GPC6: variants seen among roughly 807,000 people sequenced by gnomAD.
The protein encoded by GPC6 is glypican 6.
Under a neutral mutation model 55.2 loss-of-function variants are expected in GPC6, and 14 were observed. The ratio of observed to expected loss-of-function variants is 0.25; its 90% confidence interval spans 0.17 to 0.40. The LOEUF is 0.40. Ranked by LOEUF, GPC6 falls within the 10% of genes least tolerant of loss-of-function variation. GPC6 has a pLI of 1.00. For missense variants in GPC6, 641 were observed against 708.5 expected (o/e 0.90, Z 1.08); for synonymous variants, 278 against 259.6 (o/e 1.07, Z -0.68).
chr13:94,171,469 A>G (rs897476490), intron 4 of GPC6, among the ~76,000 whole-genome samples: 1 of 152,336 alleles, frequency 6.6e-6, no homozygotes, highest in South Asian at 2.1e-4. Flanking sequence ...TAAGCGAAGC[A>G]GCTTATTAAG....
chr13:93,395,409 A>G, intron 1 of GPC6: 1 of 287,378 alleles, frequency 3.5e-6, no homozygotes, highest in Non-Finnish European at 6.8e-6. Context: ...CGGCCATCAA[A>G]AGTTACAGAA....
intron 4 of GPC6, among the ~76,000 whole-genome samples, chr13:94,046,320 C>T (rs1230476520): frequency 1.3e-5 from 2 of 151,968 alleles, no homozygotes; most frequent in Admixed American, 1.3e-4. Flanking sequence ...TTGCTTTGAA[C>T]GTTTGTAGAA....
At chr13:94,243,308 T>A (rs1436076962) in intron 4 of GPC6, among the ~76,000 whole-genome samples, 1 of 152,060 alleles carries the variant, frequency 6.6e-6, no homozygotes, top group African/African-American at 2.4e-5. Flanking sequence ...ATTATGTACA[T>A]TCTCAGGGAA....
chr13:93,895,218 A>ATGTGTG (rs1299548089), intron 3 of GPC6, among the ~76,000 whole-genome samples: 2 of 60,444 alleles, frequency 3.3e-5, no homozygotes, highest in African/African-American at 1.9e-4. Context: ...GTGTGTGTGT[A>ATGTGTG]TGTATGTGTG....
At chr13:93,428,172 A>T (rs1434425335) in intron 1 of GPC6, among the ~76,000 whole-genome samples, 1 of 61,370 alleles carries the variant, frequency 1.6e-5, no homozygotes, top group East Asian at 5.6e-4. Flanking sequence ...TTATTTTGAT[A>T]AAAAATGAAT....
intron 1 of GPC6, among the ~76,000 whole-genome samples, chr13:93,283,615 C>T (rs748347885): frequency 3.3e-5 from 5 of 152,178 alleles, no homozygotes; most frequent in Non-Finnish European, 7.3e-5. Context: ...CCAAAAGGGA[C>T]AGGTACACAG....
chr13:93,732,180 C>T (rs1192567300), intron 2 of GPC6, among the ~76,000 whole-genome samples: 1 of 152,060 alleles, frequency 6.6e-6, no homozygotes, highest in Non-Finnish European at 1.5e-5. Flanking sequence ...AAGTGATGTC[C>T]ACATGTCCCT....
intron 3 of GPC6, among the ~76,000 whole-genome samples, chr13:93,842,310 A>G (rs1020478474): frequency 6.6e-6 from 1 of 152,170 alleles, no homozygotes; most frequent in Non-Finnish European, 1.5e-5. Context: ...GACAAACCTT[A>G]CGATATTCTG....
At chr13:93,378,166 G>T (rs921646885) in intron 1 of GPC6, among the ~76,000 whole-genome samples, 1 of 152,142 alleles carries the variant, frequency 6.6e-6, no homozygotes, top group Non-Finnish European at 1.5e-5. Flanking sequence ...TCCTGGCAAA[G>T]GATTGTACAT....
At chr13:94,124,588 G>A (rs1886743439) in intron 4 of GPC6, among the ~76,000 whole-genome samples, 1 of 152,008 alleles carries the variant, frequency 6.6e-6, no homozygotes, top group Admixed American at 6.6e-5. Flanking sequence ...CATTTGGGAG[G>A]AGGTATAGAG....
intron 3 of GPC6, among the ~76,000 whole-genome samples, chr13:93,917,187 G>C (rs1047313168): frequency 6.6e-6 from 1 of 152,042 alleles, no homozygotes; most frequent in Non-Finnish European, 1.5e-5. Flanking sequence ...AATTTTATTA[G>C]TTTTTTAATA....
chr13:93,815,442 A>G (rs539670002), intron 2 of GPC6, among the ~76,000 whole-genome samples: 1 of 152,304 alleles, frequency 6.6e-6, no homozygotes, highest in South Asian at 2.1e-4. Context: ...TAATTTTAAC[A>G]TGATGAAAAA....
At chr13:94,337,592 T>C (rs1877782271) in intron 6 of GPC6, among the ~76,000 whole-genome samples, 1 of 140,520 alleles carries the variant, frequency 7.1e-6, no homozygotes, top group Non-Finnish European at 1.6e-5. Context: ...GGATTACAGG[T>C]GTGCACCACC....
chr13:94,362,665 T>C (rs1879111388), intron 6 of GPC6, among the ~76,000 whole-genome samples: 1 of 152,164 alleles, frequency 6.6e-6, no homozygotes, highest in South Asian at 2.1e-4. Flanking sequence ...GACGTCAGCC[T>C]GCTTTAAGCA....
intron 3 of GPC6, among the ~76,000 whole-genome samples, chr13:93,949,942 G>C (rs575876360): frequency 1.7e-4 from 26 of 152,028 alleles, no homozygotes; most frequent in Non-Finnish European, 3.5e-4. Flanking sequence ...TGCCCAGGCT[G>C]GTCTCCAACT....
chr13:93,912,594 T>A (rs1223999500), intron 3 of GPC6, among the ~76,000 whole-genome samples: 1 of 151,978 alleles, frequency 6.6e-6, no homozygotes, highest in Non-Finnish European at 1.5e-5. Flanking sequence ...ATACAAAAAA[T>A]TAGCCTGGTG....
At chr13:94,353,014 T>C (rs76667199) in intron 6 of GPC6, among the ~76,000 whole-genome samples, 3,168 of 152,282 alleles carry the variant, frequency 0.021, 49 homozygotes, top group Middle Eastern at 0.054. Flanking sequence ...TTACAGCTCA[T>C]GCAGAGGTGG....
At chr13:93,846,101 C>G (rs1888168587) in intron 3 of GPC6, among the ~76,000 whole-genome samples, 2 of 152,228 alleles carry the variant, frequency 1.3e-5, no homozygotes, top group South Asian at 4.1e-4. Flanking sequence ...CCCTCAAAAA[C>G]ATCCTCGTAA....
In GPC6 at chr13:94,317,424, CAGAAGAGCTCTG is replaced by C. The variant is rs1231000703; in HGVS notation, c.1152+11308_1152+11319del. On this transcript the variant is annotated intron_variant, in intron 6 of 8. Transcript: ENST00000377047. ...AACAAAAGGGTAAACACAAAGCGTC[CAGAAGAGCTCTG>C]AGAAGAAAACATAGAGGCAGCAAAC... is the stretch of plus-strand genomic sequence containing the variant. Among the ~76,000 whole-genome samples, 8 of 152,248 alleles carry C rather than the reference CAGAAGAGCTCTG, an allele frequency of 5.3e-5. No individual in the cohort carries two copies. In the East Asian group the frequency reaches 1.2e-3, roughly 22 times the overall value.
Sources: gnomAD v4.1 joint callset for allele counts (sites outside exome capture counted in the v4.1 genomes callset) on GRCh38, gnomAD v4.1.1 for gene constraint, MANE v1.5 for transcripts, NCBI Gene and HGNC (gene_info 2026-07-23, HGNC 2026-07-21) for gene names.